DIS3L2: variants seen among roughly 807,000 people sequenced by gnomAD.
The protein encoded by DIS3L2 is DIS3-like exonuclease 2.
DIS3L2 carries 34 observed loss-of-function variants against 97.5 expected under a neutral mutation model. The ratio of observed to expected loss-of-function variants is 0.35; its 90% CI spans 0.27 to 0.46. The LOEUF (loss-of-function observed/expected upper bound fraction) is 0.46, where lower values mean the gene tolerates loss of function less well. Among genes scored for constraint, DIS3L2 ranks in the 20% least tolerant of loss-of-function variants. The pLI is 1.00. For missense variants in DIS3L2, 1,038 were observed against 1,146.0 expected (o/e 0.91, Z 1.36); for synonymous variants, 435 against 445.2 (o/e 0.98, Z 0.29).
At chr2:232,322,973 C>T (rs560024095) in intron 14 of DIS3L2, among the ~76,000 whole-genome samples, 38 of 152,188 alleles carry the variant, frequency 2.5e-4, no homozygotes, top group Non-Finnish European at 5.0e-4. Flanking sequence ...TGAAAGGGAC[C>T]CCTGGCCAGG....
intron 13 of DIS3L2, among the ~76,000 whole-genome samples, chr2:232,263,713 G>T (rs1051748734): frequency 6.6e-6 from 1 of 152,142 alleles, no homozygotes; most frequent in Non-Finnish European, 1.5e-5. Context: ...TGTGTGGGTG[G>T]CTCTGACCAA....
At chr2:232,012,220 G>A (rs1298661670) in intron 1 of DIS3L2, among the ~76,000 whole-genome samples, 1 of 152,098 alleles carries the variant, frequency 6.6e-6, no homozygotes, top group African/African-American at 2.4e-5. Context: ...CAGCTTTTGA[G>A]CACCTATTCT....
At chr2:232,103,760 AT>A (rs1199325767) in intron 6 of DIS3L2, among the ~76,000 whole-genome samples, 1 of 152,210 alleles carries the variant, frequency 6.6e-6, no homozygotes, top group Middle Eastern at 3.2e-3. Flanking sequence ...GATTGAAGCA[AT>A]TGAAGAACTC....
intron 14 of DIS3L2, among the ~76,000 whole-genome samples, chr2:232,327,271 A>G (rs1350676928): frequency 1.3e-5 from 2 of 152,224 alleles, no homozygotes; most frequent in Middle Eastern, 3.2e-3. Flanking sequence ...CTATGGGGTC[A>G]TGCTGCCTCC....
At chr2:232,225,928 G>T (rs925539370) in intron 10 of DIS3L2, among the ~76,000 whole-genome samples, 4 of 152,182 alleles carry the variant, frequency 2.6e-5, no homozygotes, top group African/African-American at 9.7e-5. Context: ...CCATAAAAGA[G>T]CACTTTGTAT....
intron 6 of DIS3L2, among the ~76,000 whole-genome samples, chr2:232,107,918 C>A (rs76131004): frequency 6.6e-6 from 1 of 151,984 alleles, no homozygotes; most frequent in Non-Finnish European, 1.5e-5. Context: ...ACCTACCAAC[C>A]GAAGAAAGCC....
chr2:232,181,391 A>G (rs1299874959), intron 9 of DIS3L2, among the ~76,000 whole-genome samples: 1 of 152,102 alleles, frequency 6.6e-6, no homozygotes, highest in Non-Finnish European at 1.5e-5. Flanking sequence ...CTCCTGGATG[A>G]TATCCTGCAG....
intron 14 of DIS3L2, among the ~76,000 whole-genome samples, chr2:232,320,570 C>T (rs1168845460): frequency 6.6e-6 from 1 of 152,182 alleles, no homozygotes; most frequent in East Asian, 1.9e-4. Context: ...TCTTGGGTTT[C>T]TTCTGCCAAG....
In DIS3L2 at chr2:232,336,564, C is replaced by G. The variant is rs376585486; in HGVS notation, c.2592C>G (p.Gly864=). 2 of 1,609,348 alleles carry G rather than the reference C, an allele frequency of 1.2e-6. No individual in the cohort carries two copies. The highest frequency in any genetic ancestry group is 2.7e-5 in the African/African-American group (2 of 74,890). Residue 864 remains glycine, a synonymous_variant, in exon 21 of 21, where the codon GGC becomes GGG. Transcript: ENST00000325385. ...TCCTGAAGCGGCCAGGCACCCAGGG[C>G]CACCTGGGCCCTGAGAAGGAGGAGG... ...SAILKRPGTQ[G]HLGPEKEEEE... is the part of the protein sequence containing the mutation.
chr2:232,116,412 CT>C (rs1042516990), intron 6 of DIS3L2, among the ~76,000 whole-genome samples: 2 of 151,936 alleles, frequency 1.3e-5, no homozygotes, highest in African/African-American at 4.8e-5. Flanking sequence ...GTATTTTTTC[CT>C]TTGTTAGAGA....
intron 8 of DIS3L2, among the ~76,000 whole-genome samples, chr2:232,159,732 T>C (rs1050992378): frequency 1.3e-5 from 2 of 152,216 alleles, no homozygotes; most frequent in African/African-American, 4.8e-5. Flanking sequence ...TTTTCACCAC[T>C]AAGTTTTACA....
intron 5 of DIS3L2, among the ~76,000 whole-genome samples, chr2:232,051,958 A>G (rs959779324): frequency 5.9e-5 from 9 of 151,314 alleles, no homozygotes; most frequent in African/African-American, 1.9e-4. Context: ...TATATTGTTT[A>G]TAAATGTCTT....
intron 1 of DIS3L2, among the ~76,000 whole-genome samples, chr2:232,002,100 G>A (rs181384592): frequency 1.2e-3 from 177 of 152,146 alleles, no homozygotes; most frequent in East Asian, 5.8e-4. Context: ...ATAGAAATCC[G>A]GTTCTCTCGG....
In DIS3L2 at chr2:232,276,982, G is replaced by A. The variant is rs1694158655; in HGVS notation, c.1659+13542G>A. ...TTTAACACAGAGGTGAACTTGGAAGGACTACAGTAAACGATGGTGGCCATC... is the reference window on the plus strand; with the variant it reads ...TTTAACACAGAGGTGAACTTGGAAGAACTACAGTAAACGATGGTGGCCATC... On this transcript the variant is annotated intron_variant, in intron 13 of 20. Coordinates refer to ENST00000325385, the MANE Select transcript of DIS3L2 (RefSeq NM_152383.5). The surrounding 1 kb of genome is among the most constrained non-coding windows in gnomAD (Gnocchi z 4.4). 6.6e-6 allele frequency among the ~76,000 whole-genome samples: 1 copy of A among 152,226 alleles called. No homozygotes were observed. Among genetic ancestry groups the A allele is most frequent in the African/African-American group, 2.4e-5 (1 of 41,464 alleles).
At chr2:232,337,275 T>C, downstream of DIS3L2, 1 of 868,354 alleles carries the variant, frequency 1.2e-6, no homozygotes, top group Non-Finnish European at 1.4e-6. Flanking sequence ...CCACTTCCTC[T>C]CTGCACCAGC....
At chr2:232,124,779 G>A (rs1435644569) in intron 6 of DIS3L2, among the ~76,000 whole-genome samples, 1 of 151,988 alleles carries the variant, frequency 6.6e-6, no homozygotes, top group East Asian at 1.9e-4. Context: ...ACACCAGGAG[G>A]AAACTACTGA....
At position 231,964,716 on chromosome 2, in the gene DIS3L2, A is replaced by G. The variant is rs114632460; in HGVS notation, c.-94+2951A>G. ...AATTTCATTCCAATTTAATAACTTTATTAAGCATCTACAGCATTATACACT... is the reference window on the plus strand; with the variant it reads ...AATTTCATTCCAATTTAATAACTTTGTTAAGCATCTACAGCATTATACACT... On this transcript the variant is annotated intron_variant, in intron 1 of 20. Coordinates refer to ENST00000325385, the MANE Select transcript of DIS3L2 (RefSeq NM_152383.5). Among the ~76,000 whole-genome samples the G allele has an allele frequency of 3.7e-3, 560 of 152,368 alleles. 5 individuals are homozygous for G. The highest frequency in any genetic ancestry group is 0.012 in the African/African-American group (507 of 41,588).
intron 11 of DIS3L2, among the ~76,000 whole-genome samples, chr2:232,239,203 C>A (rs2106253146): frequency 6.6e-6 from 1 of 152,332 alleles, no homozygotes; most frequent in East Asian, 1.9e-4. Flanking sequence ...TAAGTGTCTA[C>A]AGACCTCCCT....
chr2:232,040,498 C>T (rs1448114827), intron 5 of DIS3L2, among the ~76,000 whole-genome samples: 1 of 152,194 alleles, frequency 6.6e-6, no homozygotes, highest in Non-Finnish European at 1.5e-5. Context: ...CATTCTCTTT[C>T]CCTTTTTTTC....
Sources: gnomAD v4.1 joint callset for allele counts (sites outside exome capture counted in the v4.1 genomes callset) on GRCh38, gnomAD v4.1.1 for gene constraint, Gnocchi (gnomAD v3.1) non-coding constraint, MANE v1.5 for transcripts, NCBI Gene and HGNC (gene_info 2026-07-23, HGNC 2026-07-21) for gene names.